The following ADGRB3 variants were observed in gnomAD, a reference collection of about 807,000 sequenced individuals.
ADGRB3 encodes the protein brain-specific angiogenesis inhibitor 3.
ADGRB3 carries 37 observed loss-of-function variants against 193.4 expected under a neutral mutation model. That is an observed-to-expected ratio of 0.19 (90% CI 0.15 to 0.25). The LOEUF (loss-of-function observed/expected upper bound fraction) is 0.25, where lower values mean the gene tolerates loss of function less well. Among genes scored for constraint, ADGRB3 ranks in the 10% least tolerant of loss-of-function variants. ADGRB3 has a pLI of 1.00. For synonymous variants in ADGRB3, 690 were observed against 644.2 expected, an observed-to-expected ratio of 1.07 and a Z score of -1.08; for missense variants, 1,637 against 1,852.9, an observed-to-expected ratio of 0.88 and a Z score of 2.14.
At chr6:68,847,147 A>G (rs749731188) in intron 3 of ADGRB3, among the ~76,000 whole-genome samples, 2 of 152,002 alleles carry the variant, frequency 1.3e-5, no homozygotes, top group Non-Finnish European at 2.9e-5. Context: ...AATTTCTCCC[A>G]TTTGGAATGG....
At chr6:69,111,541 A>G (rs1773366515) in intron 17 of ADGRB3, among the ~76,000 whole-genome samples, 1 of 152,194 alleles carries the variant, frequency 6.6e-6, no homozygotes, top group Non-Finnish European at 1.5e-5. Flanking sequence ...ACAGAACAAA[A>G]GCGTGTCCTT....
At chr6:69,221,938 G>A (rs1765907467) in intron 17 of ADGRB3, among the ~76,000 whole-genome samples, 1 of 152,070 alleles carries the variant, frequency 6.6e-6, no homozygotes, top group Non-Finnish European at 1.5e-5. Flanking sequence ...GATCCCAAAA[G>A]ATTTGGTTAT....
chr6:69,330,164 A>G (rs1042189000), intron 22 of ADGRB3, among the ~76,000 whole-genome samples: 2 of 152,208 alleles, frequency 1.3e-5, no homozygotes. Context: ...CATAATGGAT[A>G]TAAAGCAGCA....
chr6:68,730,048 A>G (rs969487441), intron 3 of ADGRB3, among the ~76,000 whole-genome samples: 3 of 151,646 alleles, frequency 2.0e-5, no homozygotes, highest in Non-Finnish European at 4.4e-5. Flanking sequence ...GCTGGTCTCC[A>G]TAATTAAATA....
At chr6:69,199,843 G>A (rs1765382767) in intron 17 of ADGRB3, among the ~76,000 whole-genome samples, 1 of 152,014 alleles carries the variant, frequency 6.6e-6, no homozygotes, top group Non-Finnish European at 1.5e-5. Context: ...TAATAATAGT[G>A]ACCCTCTTGC....
chr6:68,731,042 A>G (rs751911233), intron 3 of ADGRB3, among the ~76,000 whole-genome samples: 1 of 151,658 alleles, frequency 6.6e-6, no homozygotes, highest in Non-Finnish European at 1.5e-5. Context: ...GCAGCCAAGC[A>G]ACAAGCAAGT....
rs142615667 is a variant in ADGRB3, at chr6:69,364,674, A to C, written c.4239+3162A>C. On this transcript the variant is annotated intron_variant, in intron 29 of 31. Transcript: ENST00000370598. ...GCTGCCACTATTATGGAACAATTGCAATACTAATATACTAAGATTTTTCAC... is the reference window on the plus strand; with the variant it reads ...GCTGCCACTATTATGGAACAATTGCCATACTAATATACTAAGATTTTTCAC... Among the ~76,000 whole-genome samples the C allele has an allele frequency of 1.5e-3, 228 of 152,176 alleles. 1 individual carries two copies. Among genetic ancestry groups the C allele is most frequent in the African/African-American group, 5.3e-3 (221 of 41,548 alleles).
chr6:69,335,176 A>AT (rs1422601341), intron 24 of ADGRB3, among the ~76,000 whole-genome samples: 1 of 152,062 alleles, frequency 6.6e-6, no homozygotes, highest in African/African-American at 2.4e-5. Flanking sequence ...GAATACCCTT[A>AT]TTTTTTCTTA....
At chr6:68,809,923 C>T (rs1767477734) in intron 3 of ADGRB3, among the ~76,000 whole-genome samples, 1 of 152,102 alleles carries the variant, frequency 6.6e-6, no homozygotes, top group Admixed American at 6.5e-5. Flanking sequence ...TTTTAGCATA[C>T]ATTATTTAGT....
intron 3 of ADGRB3, among the ~76,000 whole-genome samples, chr6:68,786,351 C>G (rs1766969288): frequency 6.6e-6 from 1 of 152,116 alleles, no homozygotes; most frequent in African/African-American, 2.4e-5. Context: ...AGAAGGGATC[C>G]AGTTTCAGCT....
intron 3 of ADGRB3, among the ~76,000 whole-genome samples, chr6:68,824,939 C>T (rs558339728): frequency 2.0e-5 from 3 of 152,122 alleles, no homozygotes; most frequent in South Asian, 2.1e-4. Flanking sequence ...CGGCAACCTC[C>T]GCCTCCCGGG....
At chr6:68,955,929 G>T in intron 6 of ADGRB3, 95 bp from the exon 7 acceptor site, 1 of 1,234,092 alleles carries the variant, frequency 8.1e-7, no homozygotes. Flanking sequence ...CCATTGATTG[G>T]GGTTCATCTT....
chr6:69,306,906 C>T (rs1456059098), intron 20 of ADGRB3, among the ~76,000 whole-genome samples: 1 of 151,340 alleles, frequency 6.6e-6, no homozygotes, highest in Non-Finnish European at 1.5e-5. Flanking sequence ...TGTATTTCAT[C>T]ATATTTGTTC....
chr6:69,058,947 G>A (rs559846743), intron 15 of ADGRB3, among the ~76,000 whole-genome samples: 34 of 151,990 alleles, frequency 2.2e-4, no homozygotes, highest in Non-Finnish European at 3.8e-4. Context: ...TTCTGCATGT[G>A]CCTGTTAGGT....
At chr6:68,837,969 C>T (rs1768076826) in intron 3 of ADGRB3, among the ~76,000 whole-genome samples, 1 of 152,108 alleles carries the variant, frequency 6.6e-6, no homozygotes, top group Non-Finnish European at 1.5e-5. Context: ...ATAGTTATGC[C>T]TTGATTCTGG....
chr6:68,960,252 C>T (rs568799169), intron 8 of ADGRB3, among the ~76,000 whole-genome samples: 1 of 152,142 alleles, frequency 6.6e-6, no homozygotes, highest in Non-Finnish European at 1.5e-5. Context: ...GCTGCTTTGT[C>T]TGTAAGTGGT....
Position 69,076,011 on chromosome 6 carries a change from A to G in ADGRB3, c.2453A>G (p.Tyr818Cys), listed in dbSNP as rs767360865. The change falls in exon 17 of 32, where the codon TAT becomes TGT. Residue 818 changes from tyrosine to cysteine, a missense_variant. This residue lies in a region of ADGRB3 where 641 missense variants were observed against 673.9 expected (regional missense o/e 0.95). Coordinates refer to ENST00000370598, the MANE Select transcript of ADGRB3 (RefSeq NM_001704.3). ...TTTTTTTAGGGTACTTTGAATCCCT[A>G]TTGTGTATTGTGGGATGACTCCAAA... The part of the protein sequence containing the change: ...AHLANGTLNP[Y>C]CVLWDDSKTN... 1.8e-5 allele frequency: 29 copies of G among 1,611,948 alleles called. 1 individual carries two copies. The South Asian group carries it at 2.2e-4, about 12-fold the overall frequency.
intron 10 of ADGRB3, among the ~76,000 whole-genome samples, chr6:68,981,845 G>T (rs1342476434): frequency 2.9e-5 from 4 of 139,662 alleles, no homozygotes; most frequent in Non-Finnish European, 6.3e-5. Context: ...TACCTATTTT[G>T]TTATTTATTT....
At chr6:69,349,353 G>A (rs1334137895) in intron 26 of ADGRB3, among the ~76,000 whole-genome samples, 1 of 152,162 alleles carries the variant, frequency 6.6e-6, no homozygotes, top group Non-Finnish European at 1.5e-5. Context: ...GAGATTAAGT[G>A]ATAGATCCTT....
Sources: allele counts gnomAD v4.1 joint callset (sites outside exome capture counted in the v4.1 genomes callset), GRCh38; gene constraint gnomAD v4.1.1; regional missense constraint gnomAD v4.1.1; transcripts MANE v1.5; gene names NCBI Gene and HGNC (gene_info 2026-07-23, HGNC 2026-07-21).